The following PRKG1 variants were observed in gnomAD, a reference collection of about 807,000 sequenced individuals.
The protein encoded by PRKG1 is cGMP-dependent protein kinase 1.
In PRKG1, 35 loss-of-function variants were observed where a neutral mutation model predicts 88.1. The observed-to-expected ratio is 0.40, with a 90% CI of 0.30 to 0.53. PRKG1 has a LOEUF of 0.53. Ranked by LOEUF, PRKG1 falls within the 20% of genes least tolerant of loss-of-function variation. The probability of loss-of-function intolerance (pLI) is 0.59; values close to 1 mark genes in which losing one functional copy is unlikely to be tolerated. For missense variants in PRKG1, 540 were observed against 839.8 expected, an observed-to-expected ratio of 0.64 and a Z score of 4.41; for synonymous variants, 303 against 292.5, an observed-to-expected ratio of 1.04 and a Z score of -0.37.
chr10:51,658,577 G>GA (rs138207238), intron 3 of PRKG1, among the ~76,000 whole-genome samples: 59 of 145,154 alleles, frequency 4.1e-4, no homozygotes, highest in South Asian at 1.1e-3. Flanking sequence ...TGCTGTGAGG[G>GA]AAAAAAAAAA....
intron 5 of PRKG1, among the ~76,000 whole-genome samples, chr10:51,935,915 T>A (rs1842790720): frequency 6.6e-6 from 1 of 152,046 alleles, no homozygotes; most frequent in African/African-American, 2.4e-5. Context: ...ATGGCACTCT[T>A]CCATTTATTA....
chr10:51,855,466 C>T (rs1840656639), intron 4 of PRKG1, among the ~76,000 whole-genome samples: 1 of 152,132 alleles, frequency 6.6e-6, no homozygotes. Context: ...ACTGCTGCTC[C>T]ACTCTATGTG....
At chr10:51,671,753 A>T (rs981056384) in intron 3 of PRKG1, among the ~76,000 whole-genome samples, 17 of 151,976 alleles carry the variant, frequency 1.1e-4, no homozygotes, top group African/African-American at 4.1e-4. Flanking sequence ...TGCCCAGCTA[A>T]TTTTTTGTAT....
At chr10:52,181,748 A>G (rs1420727285) in intron 9 of PRKG1, among the ~76,000 whole-genome samples, 1 of 84,132 alleles carries the variant, frequency 1.2e-5, no homozygotes, top group African/African-American at 4.5e-5. Context: ...CCATGTCCCT[A>G]CAAAGGACAT....
chr10:51,690,896 C>G (rs1431930326), intron 3 of PRKG1, among the ~76,000 whole-genome samples: 2 of 144,460 alleles, frequency 1.4e-5, no homozygotes, highest in Non-Finnish European at 3.0e-5. Context: ...ACTACACCCC[C>G]CAGCCTGGCG....
At chr10:51,662,076 A>C (rs1196350144) in intron 3 of PRKG1, among the ~76,000 whole-genome samples, 1 of 152,048 alleles carries the variant, frequency 6.6e-6, no homozygotes, top group East Asian at 1.9e-4. Flanking sequence ...GGGGCCTGTC[A>C]TAGGGTGGGG....
chr10:51,376,122 A>G (rs1412661009), intron 2 of PRKG1, among the ~76,000 whole-genome samples: 1 of 152,216 alleles, frequency 6.6e-6, no homozygotes, highest in African/African-American at 2.4e-5. Context: ...TTGGGTATTT[A>G]TCCAAATTTG....
At chr10:52,039,247 A>G (rs1845695839) in intron 5 of PRKG1, among the ~76,000 whole-genome samples, 1 of 152,030 alleles carries the variant, frequency 6.6e-6, no homozygotes, top group Non-Finnish European at 1.5e-5. Context: ...GCCATTTTAT[A>G]GGATCTGGGT....
At chr10:51,660,845 T>C (rs1840280955) in intron 3 of PRKG1, among the ~76,000 whole-genome samples, 1 of 152,124 alleles carries the variant, frequency 6.6e-6, no homozygotes, top group African/African-American at 2.4e-5. Flanking sequence ...ACTTCCGTGA[T>C]TGCAAAGCTT....
At chr10:51,753,810 A>C (rs1837788174) in intron 3 of PRKG1, among the ~76,000 whole-genome samples, 1 of 152,110 alleles carries the variant, frequency 6.6e-6, no homozygotes, top group East Asian at 1.9e-4. Flanking sequence ...AGCTTTTCTT[A>C]ATGTAATTTT....
chr10:52,129,996 A>G (rs1020011295), intron 7 of PRKG1, among the ~76,000 whole-genome samples: 1 of 152,210 alleles, frequency 6.6e-6, no homozygotes, highest in African/African-American at 2.4e-5. Context: ...CTCACTAGCT[A>G]TATCTGACTT....
At chr10:51,672,527 T>C (rs1383117300) in intron 3 of PRKG1, among the ~76,000 whole-genome samples, 1 of 152,224 alleles carries the variant, frequency 6.6e-6, no homozygotes, top group African/African-American at 2.4e-5. Flanking sequence ...TTTATAAACA[T>C]CATAAACATT....
rs558804694 is a variant in PRKG1, at chr10:51,316,258, G to A, written c.479-151465G>A. Among the ~76,000 whole-genome samples, 50 of 152,152 alleles carry A rather than the reference G, an allele frequency of 3.3e-4. No homozygotes were observed. In the South Asian group the frequency reaches 6.6e-3, roughly 20 times the overall value. On this transcript the variant is annotated intron_variant, in intron 2 of 17. Coordinates refer to ENST00000373980, the MANE Select transcript of PRKG1 (RefSeq NM_006258.4). ...TGAGATACTACTTTGATTGTTGAAC[G>A]AAAAAAGTAAAGAAATAATTATGAT...
At chr10:51,926,895 G>A (rs535152636) in intron 5 of PRKG1, among the ~76,000 whole-genome samples, 2 of 151,644 alleles carry the variant, frequency 1.3e-5, no homozygotes, top group East Asian at 3.9e-4. Flanking sequence ...CCTGGTAATT[G>A]TAAGTAACCA....
At chr10:52,103,613 C>T (rs1847346021) in intron 7 of PRKG1, among the ~76,000 whole-genome samples, 1 of 152,114 alleles carries the variant, frequency 6.6e-6, no homozygotes, top group South Asian at 2.1e-4. Context: ...ATAGGTAAGG[C>T]TTCTCATCAA....
intron 1 of PRKG1, among the ~76,000 whole-genome samples, chr10:51,085,444 G>A (rs1271613508): frequency 6.6e-6 from 1 of 152,040 alleles, no homozygotes; most frequent in Non-Finnish European, 1.5e-5. Flanking sequence ...AATATGCACT[G>A]GAATGAACCC....
intron 1 of PRKG1, among the ~76,000 whole-genome samples, chr10:51,068,963 T>C (rs1369104953): frequency 6.6e-6 from 1 of 151,998 alleles, no homozygotes; most frequent in Non-Finnish European, 1.5e-5. Flanking sequence ...ATATTTTTCT[T>C]GATTTTTTTT....
At chr10:51,763,989 C>T (rs1838091468) in intron 3 of PRKG1, among the ~76,000 whole-genome samples, 1 of 152,130 alleles carries the variant, frequency 6.6e-6, no homozygotes, top group Non-Finnish European at 1.5e-5. Flanking sequence ...ATAATTAATC[C>T]ATTCATGAAG....
chr10:52,219,318 G>A (rs1402075053), intron 9 of PRKG1, among the ~76,000 whole-genome samples: 1 of 152,128 alleles, frequency 6.6e-6, no homozygotes, highest in Non-Finnish European at 1.5e-5. Flanking sequence ...TAATTATAGT[G>A]TATTTTCCTT....
Sources: gnomAD v4.1 joint callset for allele counts (sites outside exome capture counted in the v4.1 genomes callset) on GRCh38, gnomAD v4.1.1 for gene constraint, MANE v1.5 for transcripts, NCBI Gene and HGNC (gene_info 2026-07-23, HGNC 2026-07-21) for gene names.